Variants in DAB1 observed in about 807,000 individuals in gnomAD.
The protein encoded by DAB1 is disabled homolog 1.
A neutral mutation model predicts 64.6 loss-of-function variants in DAB1; 15 were observed. The ratio of observed to expected loss-of-function variants is 0.23; its 90% CI spans 0.16 to 0.36. The LOEUF (loss-of-function observed/expected upper bound fraction) is 0.36, where lower values mean the gene tolerates loss of function less well. DAB1 is among the 10% of genes least tolerant of loss of function. The pLI is 1.00. For missense variants in DAB1, 596 were observed against 706.7 expected, an observed-to-expected ratio of 0.84 and a Z score of 1.78; for synonymous variants, 235 against 251.9, an observed-to-expected ratio of 0.93 and a Z score of 0.64.
At chr1:57,276,893 ATCT>A (rs1228317914) in intron 2 of DAB1, among the ~76,000 whole-genome samples, 2 of 152,174 alleles carry the variant, frequency 1.3e-5, no homozygotes, top group Non-Finnish European at 2.9e-5. Flanking sequence ...CTTCTCCATA[ATCT>A]TCTGTGGCCA....
At chr1:58,133,208 C>T (rs548634017) in intron 5 of DAB1, among the ~76,000 whole-genome samples, 30 of 152,298 alleles carry the variant, frequency 2.0e-4, no homozygotes, top group African/African-American at 5.5e-4. Context: ...TTTTTCCCCA[C>T]CATGCATCTT....
intron 12 of DAB1, among the ~76,000 whole-genome samples, chr1:57,013,681 T>C (rs1460319633): frequency 6.6e-6 from 1 of 152,218 alleles, no homozygotes; most frequent in African/African-American, 2.4e-5. Context: ...CCTGTGACAG[T>C]AATGAAACCG....
Position 57,866,069 on chromosome 1 carries a change from T to C in DAB1, n.87+17930A>G, listed in dbSNP as rs1452844898. Among the ~76,000 whole-genome samples the C allele has an allele frequency of 2.6e-5, 4 of 152,316 alleles. No homozygotes were observed. In the East Asian group the frequency reaches 5.8e-4, roughly 22 times the overall value. ...TGATCCCATTCATGAGAGCAGAGGA[T>C]TTCAACATATGAATTTTGTGGGGAC... is the stretch of plus-strand genomic sequence containing the variant. On this transcript the variant is annotated intron_variant and non_coding_transcript_variant, in intron 1 of 1. Transcript: ENST00000477280.
At position 57,655,523 on chromosome 1, in the gene DAB1, C is replaced by T. The variant is rs1253234108; in HGVS notation, n.552-5858G>A. Reference sequence around the variant, plus strand: ...AATATTTGTTGACAGTCTAACTGTACCAAACACTGATTTGAACACTGGGGA... The same window carrying T: ...AATATTTGTTGACAGTCTAACTGTATCAAACACTGATTTGAACACTGGGGA... On this transcript the variant is annotated intron_variant and non_coding_transcript_variant, in intron 6 of 20. Transcript: ENST00000485760. Among the ~76,000 whole-genome samples the T allele has an allele frequency of 2.6e-5, 4 of 152,290 alleles. No individual in the cohort carries two copies. In the East Asian group the frequency reaches 7.7e-4, roughly 29 times the overall value.
chr1:57,477,727 C>T (rs181943813), intron 7 of DAB1, among the ~76,000 whole-genome samples: 6 of 152,052 alleles, frequency 3.9e-5, no homozygotes, highest in Non-Finnish European at 7.4e-5. Context: ...AGGGTTGGGG[C>T]GATCACTCTG....
rs548831249 is a variant in DAB1 at position 57,129,025 on chromosome 1, G to T, written c.306+7518C>A. On this transcript the variant is annotated intron_variant, in intron 4 of 14. Transcript: ENST00000371236. ...TCTCATCTGTCTAATGGGAGGAGTG[G>T]CTTCTTAGTTGAGCGCTTAGAGGAT... Among the ~76,000 whole-genome samples, 4 of 152,288 alleles carry T rather than the reference G, an allele frequency of 2.6e-5. No homozygotes were observed. In the South Asian group the frequency reaches 6.2e-4, roughly 24 times the overall value.
At chr1:57,357,600 T>A (rs760729958) in intron 1 of DAB1, among the ~76,000 whole-genome samples, 3 of 150,956 alleles carry the variant, frequency 2.0e-5, no homozygotes, top group Admixed American at 6.7e-5. Context: ...TATTAGCATG[T>A]GAATTTGTCA....
intron 7 of DAB1, among the ~76,000 whole-genome samples, chr1:57,569,655 G>A (rs1398523823): frequency 6.6e-6 from 1 of 151,856 alleles, no homozygotes; most frequent in Non-Finnish European, 1.5e-5. Flanking sequence ...TAAATGACAA[G>A]TTAATGGGGG....
At chr1:57,697,032 C>T (rs1283111685) in intron 6 of DAB1, among the ~76,000 whole-genome samples, 1 of 152,172 alleles carries the variant, frequency 6.6e-6, no homozygotes, top group Non-Finnish European at 1.5e-5. Context: ...TCTAACTGCA[C>T]TCTCATAGGC....
At position 57,671,192 on chromosome 1, in the gene DAB1, A is replaced by G. The variant is rs976584220; in HGVS notation, n.552-21527T>C. On this transcript the variant is annotated intron_variant and non_coding_transcript_variant, in intron 6 of 20. Coordinates refer to the DAB1 transcript ENST00000485760. ...ACTGTGTTTATAAAATTTGGTCAAC[A>G]TTTTGACCTTTTAATCAAAATGAGT... 2.0e-5 allele frequency among the ~76,000 whole-genome samples: 3 copies of G among 152,172 alleles called. No homozygotes were observed. In the East Asian group the frequency reaches 5.8e-4, roughly 29 times the overall value.
In DAB1 at chr1:58,167,262, T is replaced by G. The variant is rs1167257361; in HGVS notation, n.310-16674A>C. 3.3e-5 allele frequency among the ~76,000 whole-genome samples: 5 copies of G among 151,184 alleles called. No homozygotes were observed. The East Asian group carries it at 5.8e-4, about 18-fold the overall frequency. ...TGCACCAATCAGCACTCTGTAAAAA[T>G]GCACCAATCAGTGCTCTTTGTCTAG... On this transcript the variant is annotated intron_variant and non_coding_transcript_variant, in intron 4 of 20. Transcript: ENST00000485760.
intron 1 of DAB1, among the ~76,000 whole-genome samples, chr1:57,391,130 C>G (rs1682316515): frequency 6.6e-6 from 1 of 152,202 alleles, no homozygotes; most frequent in African/African-American, 2.4e-5. Context: ...TCTAGCATAG[C>G]ACAGTGCCGC....
rs369828933 is a variant in DAB1 at position 58,171,604 on chromosome 1, T to C, written n.310-21016A>G. Among the ~76,000 whole-genome samples, 5 of 152,356 alleles carry C rather than the reference T, an allele frequency of 3.3e-5. No homozygotes were observed. In the East Asian group the frequency reaches 7.7e-4, roughly 24 times the overall value. On this transcript the variant is annotated intron_variant and non_coding_transcript_variant, in intron 4 of 20. Coordinates refer to the DAB1 transcript ENST00000485760. The stretch of plus-strand genomic sequence containing the variant: ...CCTTATTCTGTATTCCCCTGCACTC[T>C]GACTCCCAGTTTCTCTTTGCCTTTG...
intron 6 of DAB1, among the ~76,000 whole-genome samples, chr1:57,790,871 C>G (rs923825111): frequency 1.3e-5 from 2 of 152,064 alleles, no homozygotes; most frequent in Admixed American, 6.6e-5. Flanking sequence ...TGGTGCATTA[C>G]TACACACACA....
intron 1 of DAB1, among the ~76,000 whole-genome samples, chr1:57,865,354 T>C (rs1224603467): frequency 1.3e-5 from 2 of 152,170 alleles, no homozygotes; most frequent in Non-Finnish European, 2.9e-5. Context: ...CCACAACTTT[T>C]TGGTGGATAA....
chr1:57,428,175 A>G (rs892428749), upstream of DAB1, among the ~76,000 whole-genome samples: 2 of 152,046 alleles, frequency 1.3e-5, no homozygotes, highest in African/African-American at 4.8e-5. Flanking sequence ...TCTCAGAAAA[A>G]AAAAAGATCT....
intron 2 of DAB1, among the ~76,000 whole-genome samples, chr1:57,206,039 C>G (rs1016563203): frequency 6.6e-6 from 1 of 152,124 alleles, no homozygotes; most frequent in Non-Finnish European, 1.5e-5. Flanking sequence ...CATTTTTCAA[C>G]AAGTATACAT....
At chr1:58,546,124 G>A (rs1300860836) in intron 1 of DAB1, among the ~76,000 whole-genome samples, 2 of 152,196 alleles carry the variant, frequency 1.3e-5, no homozygotes, top group Admixed American at 1.3e-4. Flanking sequence ...TTCTGTAGAC[G>A]AGTTTACGAG....
At chr1:58,127,583 A>G (rs954824054) in intron 5 of DAB1, among the ~76,000 whole-genome samples, 9 of 152,120 alleles carry the variant, frequency 5.9e-5, no homozygotes, top group African/African-American at 2.2e-4. Context: ...TAGGGTTTTT[A>G]TGGTTTTAGG....
Sources: allele counts gnomAD v4.1 joint callset (sites outside exome capture counted in the v4.1 genomes callset), GRCh38; gene constraint gnomAD v4.1.1; transcripts MANE v1.5; gene names NCBI Gene and HGNC (gene_info 2026-07-23, HGNC 2026-07-21).